Variants in PDE3B observed in about 807,000 individuals in gnomAD.
PDE3B encodes cGMP-inhibited 3',5'-cyclic phosphodiesterase 3B.
Under a neutral mutation model 116.8 loss-of-function variants are expected in PDE3B, and 66 were observed. That is an observed-to-expected ratio of 0.56 (90% CI 0.46 to 0.69). The LOEUF (loss-of-function observed/expected upper bound fraction) is 0.69, where lower values mean the gene tolerates loss of function less well. Among genes scored for constraint, PDE3B ranks in the 30% least tolerant of loss-of-function variants. The probability of loss-of-function intolerance (pLI) is 0.00; values close to 1 mark genes in which losing one functional copy is unlikely to be tolerated. For synonymous variants in PDE3B, 595 were observed against 533.6 expected (o/e 1.12, Z -1.59); for missense variants, 1,384 against 1,368.1 (o/e 1.01, Z -0.18).
At chr11:14,850,946 A>T (rs1386987396) in intron 12 of PDE3B, among the ~76,000 whole-genome samples, 1 of 149,190 alleles carries the variant, frequency 6.7e-6, no homozygotes, top group African/African-American at 2.5e-5. Flanking sequence ...ATCCTGCCTC[A>T]GTCTTTGGAG....
At chr11:14,750,602 A>G (rs1186600345) in intron 1 of PDE3B, among the ~76,000 whole-genome samples, 1 of 152,046 alleles carries the variant, frequency 6.6e-6, no homozygotes, top group Non-Finnish European at 1.5e-5. Flanking sequence ...TAATGTAGAT[A>G]TGATATAAAT....
At chr11:14,691,178 G>A (rs1358531288) in intron 1 of PDE3B, among the ~76,000 whole-genome samples, 2 of 152,068 alleles carry the variant, frequency 1.3e-5, no homozygotes, top group African/African-American at 4.8e-5. Flanking sequence ...TGCAATAATT[G>A]ATTTTCATAA....
At chr11:14,878,280 C>T in the PDE3B span, 1 of 1,612,934 alleles carries the variant, frequency 6.2e-7, no homozygotes, top group Non-Finnish European at 8.5e-7. Flanking sequence ...AAGTGTTCTC[C>T]AAGACAATGT....
At chr11:14,834,784 A>G (rs1166862514) in intron 10 of PDE3B, among the ~76,000 whole-genome samples, 198 bp from the exon 11 acceptor site, 1 of 152,152 alleles carries the variant, frequency 6.6e-6, no homozygotes, top group African/African-American at 2.4e-5. Flanking sequence ...CACCTTTACT[A>G]TGTTTTCATA....
intron 2 of PDE3B, among the ~76,000 whole-genome samples, chr11:14,781,762 G>A (rs894038013): frequency 3.3e-5 from 5 of 152,148 alleles, no homozygotes; most frequent in Admixed American, 2.0e-4. Flanking sequence ...AGACAGGGGT[G>A]CCTCTCTCTC....
At chr11:14,663,757 C>T (rs1235757787) in intron 1 of PDE3B, among the ~76,000 whole-genome samples, 1 of 152,160 alleles carries the variant, frequency 6.6e-6, no homozygotes, top group African/African-American at 2.4e-5. Context: ...CAGGAGCACC[C>T]AGATTCAGAA....
At chr11:14,651,887 T>A (rs532738717) in intron 1 of PDE3B, among the ~76,000 whole-genome samples, 138 of 152,342 alleles carry the variant, frequency 9.1e-4, no homozygotes, top group African/African-American at 3.2e-3. Flanking sequence ...TACCACACTA[T>A]CTTAGTTATA....
intron 7 of PDE3B, among the ~76,000 whole-genome samples, chr11:14,820,248 T>C (rs940916976): frequency 1.4e-5 from 2 of 147,604 alleles, no homozygotes; most frequent in African/African-American, 4.9e-5. Flanking sequence ...TTTTTTTTTG[T>C]ATATCATTAC....
At position 14,665,540 on chromosome 11, in the gene PDE3B, T is replaced by G. The variant is rs1217452541; in HGVS notation, c.978+20487T>G. Among the ~76,000 whole-genome samples the G allele has an allele frequency of 2.4e-4, 37 of 152,276 alleles. 1 individual carries two copies. The highest frequency in any genetic ancestry group is 7.7e-4 in the East Asian group (4 of 5,186). On this transcript the variant is annotated intron_variant, in intron 1 of 15. Transcript: ENST00000282096. ...AACCCCATTGTCTCAGCCCAAAATC[T>G]CCTTAAGCTGATAAGCAACTTCAGC...
chr11:14,693,591 C>T (rs1054910502), intron 1 of PDE3B, among the ~76,000 whole-genome samples: 1 of 152,150 alleles, frequency 6.6e-6, no homozygotes, highest in African/African-American at 2.4e-5. Flanking sequence ...GCCTAGATGA[C>T]AGCACATCTG....
intron 12 of PDE3B, among the ~76,000 whole-genome samples, chr11:14,850,518 GCTC>G (rs1056018671): frequency 6.6e-6 from 1 of 151,718 alleles, no homozygotes; most frequent in African/African-American, 2.4e-5. Flanking sequence ...AAAGATTTCT[GCTC>G]CTCCTATTTA....
At chr11:14,730,803 A>G (rs1439387548) in intron 1 of PDE3B, among the ~76,000 whole-genome samples, 5 of 152,186 alleles carry the variant, frequency 3.3e-5, no homozygotes, top group Non-Finnish European at 7.4e-5. Flanking sequence ...AATGGAAGGA[A>G]CAAAAACTTT....
At chr11:14,668,910 C>A (rs1854276630) in intron 1 of PDE3B, among the ~76,000 whole-genome samples, 1 of 152,262 alleles carries the variant, frequency 6.6e-6, no homozygotes, top group South Asian at 2.1e-4. Context: ...ACACATTAAG[C>A]CTTGGCTGTT....
At chr11:14,849,028 A>C (rs1847678468) in intron 12 of PDE3B, among the ~76,000 whole-genome samples, 3 of 152,230 alleles carry the variant, frequency 2.0e-5, no homozygotes, top group East Asian at 1.9e-4. Flanking sequence ...TGCATCGCCA[A>C]GTCAATCCTA....
chr11:14,755,931 T>C (rs1426117092), intron 1 of PDE3B, among the ~76,000 whole-genome samples: 5 of 152,200 alleles, frequency 3.3e-5, no homozygotes, highest in African/African-American at 1.2e-4. Context: ...AATAAGTCTC[T>C]ACTGGTAGAG....
At chr11:14,657,112 T>C (rs1203594388) in intron 1 of PDE3B, among the ~76,000 whole-genome samples, 1 of 152,212 alleles carries the variant, frequency 6.6e-6, no homozygotes, top group African/African-American at 2.4e-5. Flanking sequence ...GAAAAATGTG[T>C]CAGCTGCTAC....
chr11:14,737,025 G>A (rs940475237), intron 1 of PDE3B, among the ~76,000 whole-genome samples: 5 of 151,838 alleles, frequency 3.3e-5, no homozygotes, highest in African/African-American at 1.2e-4. Context: ...CATCTATCTG[G>A]GTCTCAGCTT....
At chr11:14,708,906 T>C (rs1855614847) in intron 1 of PDE3B, among the ~76,000 whole-genome samples, 1 of 152,114 alleles carries the variant, frequency 6.6e-6, no homozygotes. Context: ...TTTGCACCTC[T>C]TCTGTAAGTT....
chr11:14,647,926 GTT>G (rs34959387), intron 1 of PDE3B, among the ~76,000 whole-genome samples: 7 of 136,436 alleles, frequency 5.1e-5, no homozygotes, highest in East Asian at 2.1e-4. Flanking sequence ...CTTAACTAAG[GTT>G]TTTTTTTTTT....
Sources: gnomAD v4.1 joint callset for allele counts (sites outside exome capture counted in the v4.1 genomes callset) on GRCh38, gnomAD v4.1.1 for gene constraint, MANE v1.5 for transcripts, NCBI Gene and HGNC (gene_info 2026-07-23, HGNC 2026-07-21) for gene names.